The following IFNL1 variants were observed in gnomAD, a reference collection of about 807,000 sequenced individuals.
IFNL1 encodes the protein interferon lambda-1.
IFNL1 carries 16 observed loss-of-function variants against 17.1 expected under a neutral mutation model. That is an observed-to-expected ratio of 0.93 (90% CI 0.63 to 1.42). The LOEUF (loss-of-function observed/expected upper bound fraction) is 1.42, where lower values mean the gene tolerates loss of function less well. Ranked by LOEUF, IFNL1 falls within the 40% of genes most tolerant of loss-of-function variation. The pLI, the probability that IFNL1 is intolerant of heterozygous loss-of-function variation, is 0.00. For synonymous variants in IFNL1, 104 were observed against 111.4 expected (o/e 0.93, Z 0.42); for missense variants, 262 against 249.4 (o/e 1.05, Z -0.34).
At position 39,298,618 on chromosome 19, in the gene IFNL1, G is replaced by T; in HGVS notation, c.*102G>T. The T allele has an allele frequency of 7.1e-7, 1 of 1,400,276 alleles. No individual in the cohort carries two copies. The highest frequency in any genetic ancestry group is 9.9e-7 in the Non-Finnish European group (1 of 1,013,706). The allele number at this position is 1,400,276 out of a possible 1,614,324, so 86.7% of individuals were successfully genotyped here. On this transcript the variant is annotated 3_prime_UTR_variant, in exon 5 of 5. Transcript: ENST00000333625. ...GCAGCCCTGACTGAGACATAGGGCT[G>T]AGTTTATTGTTTTACTTTTATACAT...
chr19:39,296,443 G>A lies in IFNL1; in HGVS notation c.22G>A (p.Val8Met), dbSNP rs112126725. Residue 8 changes from valine (V) to methionine (M), a missense_variant, in exon 1 of 5, where the codon GTG becomes ATG. Val to Met is a conservative substitution (Grantham distance 21). Transcript: ENST00000333625. ...AGCCATGGCTGCAGCTTGGACCGTG[G>A]TGCTGGTGACTTTGGTGCTAGGCTT... The part of the protein sequence containing the change: MAAAWTV[V>M]LVTLVLGLAV... 44 of 1,611,732 alleles carry A rather than the reference G, an allele frequency of 2.7e-5. No homozygotes were observed. In the African/African-American group the frequency reaches 4.1e-4, roughly 15 times the overall value.
rs555613649 is a variant in IFNL1, at chr19:39,298,461, A to G, written c.548A>G (p.Tyr183Cys). Reference sequence around the variant, plus strand: ...CGCCTCCTCACGCGAGACCTCAAATATGTGGCCGATGGGAACCTGTGTCTG... The same window carrying G: ...CGCCTCCTCACGCGAGACCTCAAATGTGTGGCCGATGGGAACCTGTGTCTG... ...LFRLLTRDLKYVADGNLCLRT... is the reference protein window; with the variant it reads ...LFRLLTRDLKCVADGNLCLRT... The change falls in exon 5 of 5, where the codon TAT becomes TGT. Residue 183 changes from tyrosine (Y) to cysteine (C), a missense_variant. By Grantham distance (194) the Tyr-to-Cys change is radical (BLOSUM62 -2). Coordinates refer to ENST00000333625, the MANE Select transcript of IFNL1 (RefSeq NM_172140.2). The G allele has an allele frequency of 3.7e-6, 6 of 1,614,002 alleles. No homozygotes were observed. In the African/African-American group the frequency reaches 4.0e-5, roughly 11 times the overall value.
intron 2 of IFNL1, 102 bp downstream of exon 2, chr19:39,296,984 T>C: frequency 2.4e-6 from 2 of 836,086 alleles, no homozygotes; most frequent in Non-Finnish European, 3.9e-6. Flanking sequence ...CTTCACTCTC[T>C]TGGACCTCTC....
chr19:39,298,127 G>T lies in IFNL1; in HGVS notation c.393+20G>T. 2 of 1,612,498 alleles carry T rather than the reference G, an allele frequency of 1.2e-6. No individual in the cohort carries two copies. Among genetic ancestry groups the T allele is most frequent in the Non-Finnish European group, 8.5e-7 (1 of 1,178,824 alleles). Reference sequence around the variant, plus strand: ...GCCTGTGTGAGTCCTTGGGGCCCGGGCACCCAGGTCTGTGGGCTCTGAGCA... The same window carrying T: ...GCCTGTGTGAGTCCTTGGGGCCCGGTCACCCAGGTCTGTGGGCTCTGAGCA... On this transcript the variant is annotated intron_variant, in intron 3 of 4. Coordinates refer to ENST00000333625, the MANE Select transcript of IFNL1 (RefSeq NM_172140.2).
At position 39,298,642 on chromosome 19, in the gene IFNL1, A is replaced by G; in HGVS notation, c.*126A>G. On this transcript the variant is annotated 3_prime_UTR_variant, in exon 5 of 5. Coordinates refer to ENST00000333625, the MANE Select transcript of IFNL1 (RefSeq NM_172140.2). ...TGAGTTTATTGTTTTACTTTTATAC[A>G]TTATGCACAAATAAACAACAAGGAA... 1.7e-6 allele frequency: 2 copies of G among 1,166,680 alleles called. No individual in the cohort carries two copies. Among genetic ancestry groups the G allele is most frequent in the African/African-American group, 1.5e-5 (1 of 64,540 alleles). 72.3% of individuals were successfully genotyped at this position (1,166,680 alleles called of 1,614,324 possible). A position where few individuals can be genotyped will look rare whatever the true frequency, so the allele number is the denominator to read the frequency against.
In IFNL1 at chr19:39,296,576, A is replaced by G; in HGVS notation, c.155A>G (p.Lys52Arg). The change falls in exon 1 of 5, where the codon AAG (lysine) becomes AGG (arginine). Residue 52 changes from lysine (K) to arginine (R), a missense_variant. Physicochemically the swap from Lys to Arg is conservative, Grantham distance 26. Transcript: ENST00000333625. ...CCACAGGAGCTAGCGAGCTTCAAGA[A>G]GGCCAGGGACGCCTTGGTGAGTTCC... ...LSPQELASFK[K>R]ARDALEESLK... 1 of 1,611,838 alleles carries G rather than the reference A, an allele frequency of 6.2e-7. No individual in the cohort carries two copies. The highest frequency in any genetic ancestry group is 1.1e-5 in the South Asian group (1 of 90,778).
In IFNL1 at chr19:39,296,502, C is replaced by G. The variant is rs1388530860; in HGVS notation, c.81C>G (p.Pro27=). ...AVAGPVPTSK[P]TTTGKGCHIG... ...CAGGCCCTGTCCCCACTTCCAAGCC[C>G]ACCACAACTGGGAAGGGCTGCCACA... is the stretch of plus-strand genomic sequence containing the variant. The change falls in exon 1 of 5, where the codon CCC becomes CCG. Residue 27 remains proline (P), a synonymous_variant. Transcript: ENST00000333625. The G allele has an allele frequency of 6.2e-7, 1 of 1,613,604 alleles. No individual in the cohort carries two copies. The highest frequency in any genetic ancestry group is 1.7e-5 in the Admixed American group (1 of 59,960).
In IFNL1 at chr19:39,298,414, A is replaced by C; in HGVS notation, c.501A>C (p.Ala167=). Reference sequence around the variant, plus strand: ...AGGAGTCCGCTGGCTGCCTGGAGGCATCTGTCACCTTCAACCTCTTCCGCC... The same window carrying C: ...AGGAGTCCGCTGGCTGCCTGGAGGCCTCTGTCACCTTCAACCTCTTCCGCC... ...PKKESAGCLE[A]SVTFNLFRLL... Residue 167 remains alanine (A), a synonymous_variant, in exon 5 of 5, where the codon GCA becomes GCC. Coordinates refer to ENST00000333625, the MANE Select transcript of IFNL1 (RefSeq NM_172140.2). 6.2e-7 allele frequency: 1 copy of C among 1,614,180 alleles called. No individual in the cohort carries two copies. Among genetic ancestry groups the C allele is most frequent in the South Asian group, 1.1e-5 (1 of 91,082 alleles).
At position 39,296,531 on chromosome 19, in the gene IFNL1, G is replaced by C; in HGVS notation, c.110G>C (p.Gly37Ala). Reference protein sequence around the residue: ...PTTTGKGCHIGRFKSLSPQEL... With the variant: ...PTTTGKGCHIARFKSLSPQEL... ...ACAACTGGGAAGGGCTGCCACATTG[G>C]CAGGTTCAAATCTCTGTCACCACAG... The change falls in exon 1 of 5, where the codon GGC becomes GCC. Residue 37 changes from glycine (G) to alanine (A), a missense_variant. Physicochemically the swap from Gly to Ala is moderately conservative, Grantham distance 60. Transcript: ENST00000333625. 1 of 1,613,892 alleles carries C rather than the reference G, an allele frequency of 6.2e-7. No individual in the cohort carries two copies. Among genetic ancestry groups the C allele is most frequent in the African/African-American group, 1.3e-5 (1 of 75,042 alleles).
intron 1 of IFNL1, 90 bp downstream of exon 1, chr19:39,296,682 T>G (rs1172184119): frequency 6.7e-7 from 1 of 1,495,622 alleles, no homozygotes; most frequent in Non-Finnish European, 9.2e-7. Context: ...CTTCCAACTA[T>G]GGCAAACCTC....
Position 39,298,208 on chromosome 19 carries a change from C to T in IFNL1, c.394-5C>T, listed in dbSNP as rs780849277. On this transcript the variant is annotated splice_region_variant and splice_polypyrimidine_tract_variant and intron_variant, in intron 3 of 4. Transcript: ENST00000333625. ...GCCTCACACACCGCCCTCTTCTGCC[C>T]ACAGATCCAGCCTCAGCCCACAGCA... The T allele has an allele frequency of 3.1e-6, 5 of 1,614,026 alleles. No homozygotes were observed. The Admixed American group carries it at 5.0e-5, about 16-fold the overall frequency.
chr19:39,298,355 T>G, intron 4 of IFNL1, 36 bp from the exon 5 acceptor site: 2 of 1,614,082 alleles, frequency 1.2e-6, no homozygotes, highest in Non-Finnish European at 1.7e-6. Context: ...GCCCAGACCC[T>G]GGACAGCCCC....
chr19:39,297,620 C>T (rs2075103976), intron 2 of IFNL1, among the ~76,000 whole-genome samples: 1 of 151,832 alleles, frequency 6.6e-6, no homozygotes, highest in Admixed American at 6.6e-5. Context: ...ACACCCAGCC[C>T]TACCCTTCTT....
chr19:39,298,608 A>G lies in IFNL1; in HGVS notation c.*92A>G. 2.1e-6 allele frequency: 3 copies of G among 1,461,918 alleles called. No homozygotes were observed. Among genetic ancestry groups the G allele is most frequent in the Non-Finnish European group, 9.4e-7 (1 of 1,061,478 alleles). The allele number at this position is 1,461,918 out of a possible 1,614,324, so 90.6% of individuals were successfully genotyped here. ...TTATGAAGCTGCAGCCCTGACTGAG[A>G]CATAGGGCTGAGTTTATTGTTTTAC... On this transcript the variant is annotated 3_prime_UTR_variant, in exon 5 of 5. Coordinates refer to ENST00000333625, the MANE Select transcript of IFNL1 (RefSeq NM_172140.2).
chr19:39,297,849 C>A (rs902143609), intron 2 of IFNL1, 115 bp from the exon 3 acceptor site: 2 of 1,319,390 alleles, frequency 1.5e-6, no homozygotes, highest in Admixed American at 3.6e-5. Context: ...GACCCCTCAC[C>A]TGTCCCCACC....
chr19:39,297,070 C>T (rs2145016108), intron 2 of IFNL1, among the ~76,000 whole-genome samples, 188 bp downstream of exon 2: 1 of 152,210 alleles, frequency 6.6e-6, no homozygotes, highest in South Asian at 2.1e-4. Context: ...CTTTTATCAT[C>T]TCCCATCGGC....
Position 39,298,436 on chromosome 19 carries a change from C to T in IFNL1, c.523C>T (p.Arg175Cys), listed in dbSNP as rs533783198. ...LEASVTFNLF[R>C]LLTRDLKYVA... The stretch of plus-strand genomic sequence containing the variant: ...GGCATCTGTCACCTTCAACCTCTTC[C>T]GCCTCCTCACGCGAGACCTCAAATA... Residue 175 changes from arginine (R) to cysteine (C), a missense_variant, in exon 5 of 5, where the codon CGC becomes TGC. Coordinates refer to ENST00000333625, the MANE Select transcript of IFNL1 (RefSeq NM_172140.2). The T allele has an allele frequency of 1.1e-4, 183 of 1,614,206 alleles. No individual in the cohort carries two copies. The South Asian group carries it at 1.6e-3, about 14-fold the overall frequency.
Position 39,298,429 on chromosome 19 carries a change from C to A in IFNL1, c.516C>A (p.Asn172Lys). The A allele has an allele frequency of 1.2e-6, 2 of 1,614,226 alleles. No homozygotes were observed. Among genetic ancestry groups the A allele is most frequent in the Non-Finnish European group, 1.7e-6 (2 of 1,180,036 alleles). The change falls in exon 5 of 5, where the codon AAC becomes AAA. Residue 172 changes from asparagine (N) to lysine (K), a missense_variant. Physicochemically the swap from Asn to Lys is moderately conservative, Grantham distance 94. Coordinates refer to ENST00000333625, the MANE Select transcript of IFNL1 (RefSeq NM_172140.2). ...AGCLEASVTFNLFRLLTRDLK... is the reference protein window; with the variant it reads ...AGCLEASVTFKLFRLLTRDLK... The stretch of plus-strand genomic sequence containing the variant: ...GCCTGGAGGCATCTGTCACCTTCAA[C>A]CTCTTCCGCCTCCTCACGCGAGACC...
At position 39,298,618 on chromosome 19, in the gene IFNL1, G is replaced by A; in HGVS notation, c.*102G>A. 1 of 1,400,278 alleles carries A rather than the reference G, an allele frequency of 7.1e-7. No homozygotes were observed. Among genetic ancestry groups the A allele is most frequent in the Non-Finnish European group, 9.9e-7 (1 of 1,013,706 alleles). The allele number at this position is 1,400,278 out of a possible 1,614,324, so 86.7% of individuals were successfully genotyped here. On this transcript the variant is annotated 3_prime_UTR_variant, in exon 5 of 5. Transcript: ENST00000333625. ...GCAGCCCTGACTGAGACATAGGGCT[G>A]AGTTTATTGTTTTACTTTTATACAT...
Sources: allele counts gnomAD v4.1 joint callset (sites outside exome capture counted in the v4.1 genomes callset), GRCh38; gene constraint gnomAD v4.1.1; transcripts MANE v1.5; gene names NCBI Gene and HGNC (gene_info 2026-07-23, HGNC 2026-07-21).